NDEL1: variants seen among roughly 807,000 people sequenced by gnomAD.
NDEL1 encodes nuclear distribution protein nudE-like 1.
Under a neutral mutation model 45.7 loss-of-function variants are expected in NDEL1, and 9 were observed. The ratio of observed to expected loss-of-function variants is 0.20; its 90% CI spans 0.12 to 0.34. NDEL1 has a LOEUF of 0.34. Ranked by LOEUF, NDEL1 falls within the 10% of genes least tolerant of loss-of-function variation. NDEL1 has a pLI of 1.00. For missense variants in NDEL1, 306 were observed against 406.2 expected (o/e 0.75, Z 2.12); for synonymous variants, 133 against 158.6 (o/e 0.84, Z 1.21).
At chr17:8,432,111 C>A (rs1326028583), upstream of NDEL1, 2 of 151,178 alleles carry the variant, frequency 1.3e-5, no homozygotes, top group Non-Finnish European at 2.9e-5. Context: ...ATCTACCCGC[C>A]CCAGGTCTCC....
intron 1 of NDEL1, among the ~76,000 whole-genome samples, chr17:8,442,885 GT>G (rs1489622170): frequency 6.7e-6 from 1 of 149,776 alleles, no homozygotes; most frequent in African/African-American, 2.5e-5. Context: ...CGCCTCCCGG[GT>G]TCACACCATT....
At chr17:8,438,815 C>T (rs1909527519) in intron 1 of NDEL1, among the ~76,000 whole-genome samples, 1 of 151,978 alleles carries the variant, frequency 6.6e-6, no homozygotes, top group Admixed American at 6.6e-5. Flanking sequence ...TGTGCCTGGC[C>T]AGAATCTGAT....
upstream of NDEL1, among the ~76,000 whole-genome samples, chr17:8,434,981 A>C (rs1909173725): frequency 6.6e-6 from 1 of 152,170 alleles, no homozygotes; most frequent in Admixed American, 6.5e-5. Flanking sequence ...GAGGCAGGAG[A>C]ATTGCTTAAA....
intron 8 of NDEL1, chr17:8,466,674 G>A (rs1005139264): frequency 2.5e-5 from 13 of 520,744 alleles, no homozygotes; most frequent in South Asian, 2.0e-4. Context: ...AAAGAATCAG[G>A]ACTGTGGCTT....
downstream of NDEL1, among the ~76,000 whole-genome samples, chr17:8,469,571 C>T (rs1454099233): frequency 6.6e-6 from 1 of 152,146 alleles, no homozygotes; most frequent in East Asian, 1.9e-4. Context: ...GGGCTAGGTC[C>T]CTGGAGGGGT....
intron 6 of NDEL1, among the ~76,000 whole-genome samples, chr17:8,452,155 G>A (rs1221050318): frequency 6.6e-6 from 1 of 152,184 alleles, no homozygotes; most frequent in Non-Finnish European, 1.5e-5. Flanking sequence ...GTCATCAGGA[G>A]CCCTCACGGT....
chr17:8,420,156 C>T (rs547266977), intron 1 of NDEL1, among the ~76,000 whole-genome samples: 2 of 152,258 alleles, frequency 1.3e-5, no homozygotes, highest in African/African-American at 4.8e-5. Flanking sequence ...GTCATACTAG[C>T]TGTGTGACCT....
chr17:8,432,347 A>AATATATATATATATTAT, upstream of NDEL1, among the ~76,000 whole-genome samples: 635 of 58,028 alleles, frequency 0.011, 22 homozygotes, highest in East Asian at 0.029. Context: ...ATTATATATA[A>AATATATATATATATTAT]ATATAAATAT....
In NDEL1 at chr17:8,450,803, C is replaced by T. The variant is rs758224945; in HGVS notation, c.550C>T (p.Arg184Trp). The change falls in exon 6 of 9, where the codon CGG becomes TGG. Residue 184 changes from arginine (R) to tryptophan (W), a missense_variant. By Grantham distance (101) the Arg-to-Trp change is moderately radical. This residue lies in a region of NDEL1 where 175 missense variants were observed against 205.2 expected (regional missense o/e 0.85). Coordinates refer to ENST00000334527, the MANE Select transcript of NDEL1 (RefSeq NM_030808.5). Reference sequence around the variant, plus strand: ...AGATTTAAGGCAAGAACTAGCAGTTCGGGAAAGACAACAGGAAGTAACTAG... The same window carrying T: ...AGATTTAAGGCAAGAACTAGCAGTTTGGGAAAGACAACAGGAAGTAACTAG... ...ARDLRQELAVRERQQEVTRKS... is the reference protein window; with the variant it reads ...ARDLRQELAVWERQQEVTRKS... 14 of 1,609,968 alleles carry T rather than the reference C, an allele frequency of 8.7e-6. No individual in the cohort carries two copies. Among genetic ancestry groups the T allele is most frequent in the Admixed American group, 5.1e-5 (3 of 59,194 alleles).
rs1911562422 is a variant in NDEL1 at position 8,465,999 on chromosome 17, G to C, written c.945-931G>C. ...CTGTGTCGCTGGGCTCCGGGTGCTG[G>C]GTCCTGGCTGCAGGCTATTGGGTTG... On this transcript the variant is annotated intron_variant, in intron 8 of 8. Coordinates refer to ENST00000334527, the MANE Select transcript of NDEL1 (RefSeq NM_030808.5). This position sits in a 1 kb window ranked among gnomAD's most constrained non-coding sequence, Gnocchi z 4.9. 2.0e-5 allele frequency: 3 copies of C among 152,926 alleles called. No homozygotes were observed. In the Admixed American group the frequency reaches 2.0e-4, roughly 10 times the overall value. The allele number at this position is 152,926 out of a possible 1,614,324, so 9.5% of individuals were successfully genotyped here.
intron 6 of NDEL1, among the ~76,000 whole-genome samples, chr17:8,452,736 T>TTC (rs1376460693): frequency 3.1e-4 from 19 of 61,870 alleles, no homozygotes; most frequent in South Asian, 2.6e-3. Context: ...TTTCTTTTTC[T>TTC]TCTCTTTTTT....
intron 3 of NDEL1, among the ~76,000 whole-genome samples, chr17:8,473,682 A>C (rs1374040931): frequency 6.6e-6 from 1 of 152,202 alleles, no homozygotes; most frequent in Non-Finnish European, 1.5e-5. Flanking sequence ...AAGCCTAGTC[A>C]TAGACCCCTT....
At chr17:8,448,496 A>C (rs565892748) in intron 4 of NDEL1, 54 bp from the exon 5 acceptor site, 1 of 1,555,840 alleles carries the variant, frequency 6.4e-7, no homozygotes, top group South Asian at 1.2e-5. Flanking sequence ...CTTTTGTACT[A>C]TCTGTTTGCA....
At chr17:8,434,080 G>A (rs566728568), upstream of NDEL1, among the ~76,000 whole-genome samples, 230 of 152,168 alleles carry the variant, frequency 1.5e-3, no homozygotes, top group Non-Finnish European at 2.7e-3. Flanking sequence ...CATTATTTTT[G>A]TGTTCACACC....
chr17:8,418,035 T>G (rs1333704367), intron 1 of NDEL1, among the ~76,000 whole-genome samples: 1 of 152,202 alleles, frequency 6.6e-6, no homozygotes, highest in African/African-American at 2.4e-5. Flanking sequence ...CTCCAGTTAC[T>G]GAGACTTTCT....
At chr17:8,432,184 C>T (rs903088479), upstream of NDEL1, 4 of 150,770 alleles carry the variant, frequency 2.7e-5, no homozygotes, top group African/African-American at 9.8e-5. Flanking sequence ...ACTTTCGTAA[C>T]CATGATATCA....
At chr17:8,453,251 C>T (rs750241330) in intron 6 of NDEL1, among the ~76,000 whole-genome samples, 4 of 152,090 alleles carry the variant, frequency 2.6e-5, no homozygotes, top group Non-Finnish European at 4.4e-5. Context: ...AAAGCCCCTA[C>T]CTTCAATGAG....
Position 8,448,704 on chromosome 17 carries a change from A to G in NDEL1, c.526+18A>G, listed in dbSNP as rs775389585. 11 of 1,602,128 alleles carry G rather than the reference A, an allele frequency of 6.9e-6. No homozygotes were observed. The highest frequency in any genetic ancestry group is 1.3e-5 in the African/African-American group (1 of 74,576). ...AGCAAGAGGTAAAATTTATAACTTA[A>G]AGAATACAGTTGACCCTTGAACAAC... On this transcript the variant is annotated intron_variant, in intron 5 of 8. Transcript: ENST00000334527.
chr17:8,417,133 T>C (rs1399219416), intron 1 of NDEL1, among the ~76,000 whole-genome samples: 1 of 152,210 alleles, frequency 6.6e-6, no homozygotes, highest in Non-Finnish European at 1.5e-5. Flanking sequence ...TTTCTTTTTT[T>C]CGAGACAGAC....
Sources: allele counts gnomAD v4.1 joint callset (sites outside exome capture counted in the v4.1 genomes callset), GRCh38; gene constraint gnomAD v4.1.1; regional missense constraint gnomAD v4.1.1; non-coding constraint Gnocchi (gnomAD v3.1); transcripts MANE v1.5; gene names NCBI Gene and HGNC (gene_info 2026-07-23, HGNC 2026-07-21).